RALGAPA1: variants seen among roughly 807,000 people sequenced by gnomAD.
RALGAPA1 encodes Ral GTPase activating protein catalytic subunit alpha 1.
RALGAPA1 carries 52 observed loss-of-function variants against 269.6 expected under a neutral mutation model. That is an observed-to-expected ratio of 0.19 (90% CI 0.15 to 0.24). RALGAPA1 has a LOEUF of 0.24. Ranked by LOEUF, RALGAPA1 falls within the 10% of genes least tolerant of loss-of-function variation. RALGAPA1 has a pLI of 1.00. For missense variants in RALGAPA1, 1,917 were observed against 3,013.9 expected (o/e 0.64, Z 8.52); for synonymous variants, 817 against 1,008.3 (o/e 0.81, Z 3.60).
In RALGAPA1 at chr14:35,560,071, G is replaced by A. The variant is rs530778143; in HGVS notation, c.7496+10546C>T. On this transcript the variant is annotated intron_variant, in intron 39 of 41. Coordinates refer to ENST00000680220, the MANE Select transcript of RALGAPA1 (RefSeq NM_001346249.2). ...ATAAAAAAGACTTTATGAAAATAACGATCAATAAACATTTTGGAAAGGCTT... is the reference window on the plus strand; with the variant it reads ...ATAAAAAAGACTTTATGAAAATAACAATCAATAAACATTTTGGAAAGGCTT... Among the ~76,000 whole-genome samples, 90 of 152,204 alleles carry A rather than the reference G, an allele frequency of 5.9e-4. 1 individual carries two copies. Among genetic ancestry groups the A allele is most frequent in the African/African-American group, 2.0e-3 (83 of 41,530 alleles).
chr14:35,777,203 A>C (rs1248528121), intron 1 of RALGAPA1, among the ~76,000 whole-genome samples: 4 of 152,152 alleles, frequency 2.6e-5, no homozygotes, highest in Non-Finnish European at 5.9e-5. Context: ...TGCTACCAAT[A>C]AGAACCTATT....
chr14:35,593,805 G>A (rs1165690403), intron 37 of RALGAPA1, among the ~76,000 whole-genome samples: 1 of 152,016 alleles, frequency 6.6e-6, no homozygotes, highest in Non-Finnish European at 1.5e-5. Context: ...AGTGAACTGT[G>A]ATTGCACCAC....
chr14:35,743,394 A>C (rs937270839), intron 10 of RALGAPA1, among the ~76,000 whole-genome samples: 1 of 152,216 alleles, frequency 6.6e-6, no homozygotes, highest in Non-Finnish European at 1.5e-5. Context: ...AGATTAGTTG[A>C]AATTGTATTA....
chr14:35,681,152 C>T (rs1448949239), intron 21 of RALGAPA1, among the ~76,000 whole-genome samples: 3 of 152,028 alleles, frequency 2.0e-5, no homozygotes, highest in Middle Eastern at 3.2e-3. Context: ...AGTACTATTG[C>T]GTTAGTAGTA....
chr14:35,664,705 A>T lies in RALGAPA1; in HGVS notation c.5265T>A (p.Cys1755Ter). ...GSLVCFPNLY[C>*]ELPSLHPNIP... ...TGTTGGGATGAAGAGAAGGCAGTTC[A>T]CAATATAAGTTGGGAAAGCAAACCA... The change falls in exon 27 of 42, where the codon TGT (cysteine) becomes TGA (stop). Residue 1755 changes from cysteine to a stop codon, truncating the protein, a stop_gained. Transcript: ENST00000680220. LOFTEE classifies it high-confidence loss of function. 6.2e-7 allele frequency: 1 copy of T among 1,613,040 alleles called. No individual in the cohort carries two copies. The highest frequency in any genetic ancestry group is 2.2e-5 in the East Asian group (1 of 44,790).
intron 31 of RALGAPA1, among the ~76,000 whole-genome samples, chr14:35,636,571 A>G (rs957084225): frequency 6.6e-6 from 1 of 152,176 alleles, no homozygotes; most frequent in Non-Finnish European, 1.5e-5. Context: ...CCCAGGCTGG[A>G]GTGCAGTGGC....
chr14:35,782,125 C>T (rs533269119), intron 1 of RALGAPA1, among the ~76,000 whole-genome samples: 7 of 152,260 alleles, frequency 4.6e-5, no homozygotes, highest in Admixed American at 3.9e-4. Context: ...ACAAGCTCAA[C>T]TAGGTTGCAG....
chr14:35,715,408 A>G (rs2068725980), intron 16 of RALGAPA1, among the ~76,000 whole-genome samples: 1 of 151,710 alleles, frequency 6.6e-6, no homozygotes, highest in African/African-American at 2.4e-5. Context: ...CATTTTAATG[A>G]GCTTATCATT....
intron 31 of RALGAPA1, among the ~76,000 whole-genome samples, chr14:35,636,892 T>C (rs1342756605): frequency 6.6e-6 from 1 of 152,154 alleles, no homozygotes; most frequent in African/African-American, 2.4e-5. Flanking sequence ...ACTGCAGGTT[T>C]TCATGAAAAG....
chr14:35,695,424 T>G (rs12896032), intron 17 of RALGAPA1, among the ~76,000 whole-genome samples: 1 of 152,202 alleles, frequency 6.6e-6, no homozygotes, highest in Non-Finnish European at 1.5e-5. Flanking sequence ...GATAGGCCTG[T>G]GAGACATACT....
intron 17 of RALGAPA1, among the ~76,000 whole-genome samples, chr14:35,693,527 T>C (rs2066664101): frequency 6.6e-6 from 1 of 151,858 alleles, no homozygotes; most frequent in Non-Finnish European, 1.5e-5. Context: ...GTCCTCTTAC[T>C]CTCCCAGAGG....
intron 1 of RALGAPA1, among the ~76,000 whole-genome samples, chr14:35,777,592 T>C (rs771890683): frequency 6.6e-6 from 1 of 152,200 alleles, no homozygotes; most frequent in Non-Finnish European, 1.5e-5. Flanking sequence ...AGATGGTGTC[T>C]TGCTCTGTGG....
intron 21 of RALGAPA1, among the ~76,000 whole-genome samples, chr14:35,679,288 T>C (rs1185988617): frequency 2.0e-5 from 3 of 152,146 alleles, no homozygotes; most frequent in African/African-American, 7.2e-5. Context: ...CCTCATTACC[T>C]CTTTCTACAC....
intron 16 of RALGAPA1, among the ~76,000 whole-genome samples, chr14:35,718,676 C>A (rs1377132868): frequency 6.6e-6 from 1 of 151,812 alleles, no homozygotes; most frequent in Non-Finnish European, 1.5e-5. Context: ...ATTAGCCAGG[C>A]GTGGTGGCAT....
intron 41 of RALGAPA1, among the ~76,000 whole-genome samples, chr14:35,543,104 G>A (rs1165288168): frequency 6.6e-6 from 1 of 152,192 alleles, no homozygotes; most frequent in Non-Finnish European, 1.5e-5. Flanking sequence ...CATGGGCATA[G>A]GTTAGACAGT....
intron 12 of RALGAPA1, among the ~76,000 whole-genome samples, chr14:35,737,919 C>A (rs557973886): frequency 1.3e-5 from 2 of 151,142 alleles, no homozygotes; most frequent in Admixed American, 6.6e-5. Flanking sequence ...GAAACCTTGT[C>A]TCCACTAAAA....
intron 37 of RALGAPA1, among the ~76,000 whole-genome samples, chr14:35,584,379 C>T (rs928371943): frequency 2.6e-5 from 4 of 152,090 alleles, no homozygotes; most frequent in Non-Finnish European, 5.9e-5. Flanking sequence ...ATCCTCTCAC[C>T]TCAGCCTCCC....
intron 37 of RALGAPA1, among the ~76,000 whole-genome samples, chr14:35,591,026 A>G (rs1438829546): frequency 6.6e-6 from 1 of 152,212 alleles, no homozygotes; most frequent in African/African-American, 2.4e-5. Context: ...ACTTTTAAAA[A>G]TGTTTCTCAC....
At chr14:35,573,405 C>T (rs897535292) in intron 37 of RALGAPA1, among the ~76,000 whole-genome samples, 5 of 152,068 alleles carry the variant, frequency 3.3e-5, no homozygotes, top group African/African-American at 4.8e-5. Context: ...TATACTAGTA[C>T]GTTTATTGAT....
Sources: allele counts gnomAD v4.1 joint callset (sites outside exome capture counted in the v4.1 genomes callset), GRCh38; gene constraint gnomAD v4.1.1; transcripts MANE v1.5; gene names NCBI Gene and HGNC (gene_info 2026-07-23, HGNC 2026-07-21).